Variants in SEZ6L observed in about 807,000 individuals in gnomAD.
SEZ6L encodes the protein seizure 6-like protein.
In SEZ6L, 37 loss-of-function variants were observed where a neutral mutation model predicts 106.2. That is an observed-to-expected ratio of 0.35 (90% confidence interval 0.27 to 0.46). The LOEUF (loss-of-function observed/expected upper bound fraction) is 0.46. Among genes scored for constraint, SEZ6L ranks in the 20% least tolerant of loss-of-function variants. The pLI, the probability that SEZ6L is intolerant of heterozygous loss-of-function variation, is 1.00. For synonymous variants in SEZ6L, 541 were observed against 570.4 expected (o/e 0.95, Z 0.73); for missense variants, 1,172 against 1,332.8 (o/e 0.88, Z 1.88).
intron 1 of SEZ6L, among the ~76,000 whole-genome samples, chr22:26,179,156 A>C (rs924803181): frequency 4.6e-5 from 7 of 152,158 alleles, no homozygotes; most frequent in Admixed American, 2.0e-4. Flanking sequence ...TGGGAGGCTG[A>C]GGCAGGAGGA....
chr22:26,339,040 C>G (rs902956924), intron 9 of SEZ6L, among the ~76,000 whole-genome samples: 6 of 151,902 alleles, frequency 3.9e-5, no homozygotes, highest in Admixed American at 3.9e-4. Flanking sequence ...AGGTCTCCTA[C>G]TCTTTCTTGA....
At chr22:26,300,568 G>A (rs1421197802) in intron 5 of SEZ6L, among the ~76,000 whole-genome samples, 1 of 152,188 alleles carries the variant, frequency 6.6e-6, no homozygotes, top group Non-Finnish European at 1.5e-5. Context: ...TGGACATTTG[G>A]CTTGGTTCCA....
intron 1 of SEZ6L, among the ~76,000 whole-genome samples, chr22:26,291,829 A>AT (rs1395371006): frequency 6.6e-6 from 1 of 152,220 alleles, no homozygotes; most frequent in East Asian, 1.9e-4. Context: ...CTTTCCAAGC[A>AT]TTCATCATAT....
rs745509911 is a variant in SEZ6L at position 26,348,564 on chromosome 22, AG to A, written c.2407+653del. Among the ~76,000 whole-genome samples the A allele has an allele frequency of 2.7e-3, 162 of 60,002 alleles. 2 individuals carry two copies. The highest frequency in any genetic ancestry group is 5.6e-3 in the South Asian group (9 of 1,596). 39.4% of individuals were successfully genotyped at this position (60,002 alleles called of 152,430 possible). ...AAGGAAGGAAGGAAGGAAGGAAGGG[AG>A]GAAAGAAAGAAAGAAAGAAAGAGAA... On this transcript the variant is annotated intron_variant, in intron 11 of 16. Transcript: ENST00000248933.
At chr22:26,297,116 T>C (rs1322497650) in intron 4 of SEZ6L, 36 bp downstream of exon 4, 18 of 1,497,708 alleles carry the variant, frequency 1.2e-5, no homozygotes, top group Non-Finnish European at 1.5e-5. Flanking sequence ...ACATAGGCGT[T>C]TGCCTCAGTT....
At chr22:26,282,100 A>G (rs2080790790) in intron 1 of SEZ6L, among the ~76,000 whole-genome samples, 1 of 152,254 alleles carries the variant, frequency 6.6e-6, no homozygotes, top group African/African-American at 2.4e-5. Context: ...ATCTCTCTGT[A>G]GGATAAATTC....
At chr22:26,279,015 A>AAGGGAAGGG (rs2080665497) in intron 1 of SEZ6L, among the ~76,000 whole-genome samples, 2 of 151,260 alleles carry the variant, frequency 1.3e-5, no homozygotes, top group Non-Finnish European at 2.9e-5. Context: ...GAAGGGAAGG[A>AAGGGAAGGG]AGGAAAGAAG....
At chr22:26,370,893 A>G (rs2146074207) in intron 13 of SEZ6L, among the ~76,000 whole-genome samples, 1 of 151,570 alleles carries the variant, frequency 6.6e-6, no homozygotes, top group South Asian at 2.1e-4. Flanking sequence ...AGTCCCAACT[A>G]CTTGGGAAGC....
intron 16 of SEZ6L, among the ~76,000 whole-genome samples, 196 bp downstream of exon 16, chr22:26,377,971 C>T (rs1461059197): frequency 6.6e-6 from 1 of 151,968 alleles, no homozygotes; most frequent in Non-Finnish European, 1.5e-5. Flanking sequence ...GTGCTGAGGA[C>T]GAGCCTAGGA....
At chr22:26,256,611 T>C (rs1452709420) in intron 1 of SEZ6L, among the ~76,000 whole-genome samples, 1 of 152,166 alleles carries the variant, frequency 6.6e-6, no homozygotes, top group Non-Finnish European at 1.5e-5. Context: ...TGTTGAAAGC[T>C]CTCTAGGTGA....
chr22:26,349,042 T>C (rs1338513354), intron 11 of SEZ6L, among the ~76,000 whole-genome samples: 1 of 152,124 alleles, frequency 6.6e-6, no homozygotes, highest in African/African-American at 2.4e-5. Context: ...ATGAACTAGT[T>C]CCCTATAGAA....
At chr22:26,317,413 T>C (rs923694738) in intron 9 of SEZ6L, among the ~76,000 whole-genome samples, 5 of 149,992 alleles carry the variant, frequency 3.3e-5, no homozygotes, top group South Asian at 4.3e-4. Flanking sequence ...TATAATCCCC[T>C]CTCTTCTGCT....
intron 10 of SEZ6L, 129 bp from the exon 11 acceptor site, chr22:26,347,590 A>G (rs367872744): frequency 1.9e-5 from 13 of 698,732 alleles, no homozygotes; most frequent in African/African-American, 1.3e-4. Flanking sequence ...CAGTTAAGCG[A>G]TTTTGGAAGC....
intron 12 of SEZ6L, among the ~76,000 whole-genome samples, chr22:26,360,255 C>T (rs558611282): frequency 2.5e-4 from 38 of 152,294 alleles, no homozygotes; most frequent in Non-Finnish European, 4.9e-4. Context: ...GGTCCTGCTC[C>T]TAGGTCGGCT....
chr22:26,224,073 A>G (rs1053235909), intron 1 of SEZ6L, among the ~76,000 whole-genome samples: 1 of 150,210 alleles, frequency 6.7e-6, no homozygotes, highest in Non-Finnish European at 1.5e-5. Context: ...TCTCAAGGAG[A>G]AAAAAAAAGT....
intron 5 of SEZ6L, among the ~76,000 whole-genome samples, chr22:26,305,470 T>A (rs1194290972): frequency 6.6e-6 from 1 of 152,250 alleles, no homozygotes; most frequent in Non-Finnish European, 1.5e-5. Context: ...CCAGATTTTA[T>A]TGCTGCTTTT....
chr22:26,271,015 C>T (rs138654749), intron 1 of SEZ6L, among the ~76,000 whole-genome samples: 19 of 152,286 alleles, frequency 1.2e-4, no homozygotes, highest in African/African-American at 4.3e-4. Flanking sequence ...AAGGATGAAG[C>T]GTGGCCAGTC....
At chr22:26,277,044 G>A (rs1450667227) in intron 1 of SEZ6L, among the ~76,000 whole-genome samples, 1 of 151,782 alleles carries the variant, frequency 6.6e-6, no homozygotes, top group Non-Finnish European at 1.5e-5. Context: ...ATTCGTGGGG[G>A]AGAAGCCAGC....
At chr22:26,192,779 C>T (rs134765) in intron 1 of SEZ6L, among the ~76,000 whole-genome samples, 36,251 of 152,074 alleles carry the variant, frequency 0.24, 4,486 homozygotes, top group Middle Eastern at 0.35. Context: ...TTTCCCAGAT[C>T]CTAATTGGAT....
Sources: allele counts gnomAD v4.1 joint callset (sites outside exome capture counted in the v4.1 genomes callset), GRCh38; gene constraint gnomAD v4.1.1; transcripts MANE v1.5; gene names NCBI Gene and HGNC (gene_info 2026-07-23, HGNC 2026-07-21).